SGMS1: variants seen among roughly 807,000 people sequenced by gnomAD.
The protein encoded by SGMS1 is sphingomyelin synthase 1.
SGMS1 carries 13 observed loss-of-function variants against 46.2 expected under a neutral mutation model. The observed-to-expected ratio is 0.28, with a 90% confidence interval of 0.18 to 0.45. The LOEUF (loss-of-function observed/expected upper bound fraction) is 0.45. Among genes scored for constraint, SGMS1 ranks in the 20% least tolerant of loss-of-function variants. The pLI, the probability that SGMS1 is intolerant of heterozygous loss-of-function variation, is 1.00. For missense variants in SGMS1, 324 were observed against 519.9 expected (o/e 0.62, Z 3.66); for synonymous variants, 203 against 187.8 (o/e 1.08, Z -0.66).
chr10:50,491,867 A>C (rs1837570574), intron 3 of SGMS1, among the ~76,000 whole-genome samples: 1 of 152,182 alleles, frequency 6.6e-6, no homozygotes, highest in African/African-American at 2.4e-5. Flanking sequence ...TAAAACAAAA[A>C]AGAAAACTTC....
intron 7 of SGMS1, among the ~76,000 whole-genome samples, chr10:50,330,293 AAAAAC>A (rs10678162): frequency 7.3e-5 from 11 of 150,070 alleles, no homozygotes; most frequent in African/African-American, 2.2e-4. Flanking sequence ...GTCTCTACTA[AAAAAC>A]AAAACAAAAC....
At chr10:50,482,207 G>A (rs1428420534) in intron 3 of SGMS1, among the ~76,000 whole-genome samples, 6 of 152,050 alleles carry the variant, frequency 3.9e-5, no homozygotes, top group Non-Finnish European at 1.5e-5. Flanking sequence ...TCAACCCCAA[G>A]ACACATAATC....
chr10:50,339,771 A>C (rs1419107848), intron 7 of SGMS1, among the ~76,000 whole-genome samples: 2 of 152,236 alleles, frequency 1.3e-5, no homozygotes, highest in African/African-American at 4.8e-5. Flanking sequence ...TGAGGAACTT[A>C]CAATTTAGCA....
intron 3 of SGMS1, among the ~76,000 whole-genome samples, chr10:50,467,640 CA>C (rs1837342628): frequency 6.6e-6 from 1 of 152,094 alleles, no homozygotes; most frequent in Non-Finnish European, 1.5e-5. Context: ...AAGTGAACAC[CA>C]CTCTCCCAAA....
At chr10:50,545,539 G>A (rs550416045) in intron 2 of SGMS1, among the ~76,000 whole-genome samples, 84 of 152,176 alleles carry the variant, frequency 5.5e-4, no homozygotes, top group East Asian at 1.7e-3. Flanking sequence ...GGGTTCAAGC[G>A]ATTCTCCTGC....
intron 2 of SGMS1, among the ~76,000 whole-genome samples, chr10:50,527,929 G>C (rs1394853362): frequency 6.6e-6 from 1 of 152,114 alleles, no homozygotes; most frequent in Non-Finnish European, 1.5e-5. Flanking sequence ...TAAATTACTT[G>C]ACCTCTCTCT....
At chr10:50,419,703 T>C (rs1164598730) in intron 6 of SGMS1, among the ~76,000 whole-genome samples, 1 of 152,090 alleles carries the variant, frequency 6.6e-6, no homozygotes, top group Non-Finnish European at 1.5e-5. Context: ...CATTAAGAAA[T>C]GAGTTGATTG....
chr10:50,440,040 A>G (rs939349670), intron 5 of SGMS1, among the ~76,000 whole-genome samples: 7 of 152,180 alleles, frequency 4.6e-5, no homozygotes, highest in Non-Finnish European at 7.3e-5. Context: ...CAAGCAAGCA[A>G]TGCAGCAACA....
At chr10:50,349,635 T>C (rs1480314112) in intron 6 of SGMS1, among the ~76,000 whole-genome samples, 1 of 152,240 alleles carries the variant, frequency 6.6e-6, no homozygotes, top group East Asian at 1.9e-4. Context: ...AGGAGATAAT[T>C]TGAATCATGG....
At chr10:50,566,920 GTTTT>G (rs992946895) in intron 2 of SGMS1, among the ~76,000 whole-genome samples, 37 of 152,174 alleles carry the variant, frequency 2.4e-4, no homozygotes, top group African/African-American at 8.7e-4. Flanking sequence ...ACTGGTTTTT[GTTTT>G]GTTTTGTTTT....
Position 50,312,035 on chromosome 10 carries a change from C to A in SGMS1, c.742-620G>T, listed in dbSNP as rs530708109. 1.7e-3 allele frequency among the ~76,000 whole-genome samples: 262 copies of A among 152,174 alleles called. 1 individual carries two copies. The highest frequency in any genetic ancestry group is 6.2e-3 in the African/African-American group (257 of 41,534). ...TATGATACAAGTCTGGGCTGGACAC[C>A]GGAGTAATAAATAGCTTGAACAACT... On this transcript the variant is annotated intron_variant, in intron 8 of 10. Transcript: ENST00000361781.
intron 6 of SGMS1, among the ~76,000 whole-genome samples, chr10:50,400,396 C>CATGCATATATAT (rs1848915442): frequency 1.0e-5 from 1 of 98,716 alleles, no homozygotes; most frequent in Non-Finnish European, 2.1e-5. Context: ...CACATCCTGG[C>CATGCATATATAT]ATATATATAT....
intron 6 of SGMS1, among the ~76,000 whole-genome samples, chr10:50,421,720 G>A (rs1849256482): frequency 6.6e-6 from 1 of 152,126 alleles, no homozygotes; most frequent in Non-Finnish European, 1.5e-5. Context: ...TGTGCTCCCT[G>A]GCCTATGTAG....
intron 6 of SGMS1, among the ~76,000 whole-genome samples, chr10:50,375,883 G>C (rs1011522508): frequency 3.3e-5 from 5 of 151,978 alleles, no homozygotes; most frequent in Non-Finnish European, 5.9e-5. Flanking sequence ...TTTTTTAAGA[G>C]ATGGGGTCTC....
At chr10:50,468,839 A>G (rs985596859) in intron 3 of SGMS1, among the ~76,000 whole-genome samples, 2 of 152,258 alleles carry the variant, frequency 1.3e-5, no homozygotes, top group Non-Finnish European at 2.9e-5. Context: ...GTAATATATC[A>G]AAGACATGTA....
At position 50,497,049 on chromosome 10, in the gene SGMS1, T is replaced by A. The variant is rs577742315; in HGVS notation, c.-498+22782A>T. ...GATATGGTAAAGTCATCCTCCACCCTTCTTCCAACACTGAAATGTAGAGAC... is the reference window on the plus strand; with the variant it reads ...GATATGGTAAAGTCATCCTCCACCCATCTTCCAACACTGAAATGTAGAGAC... On this transcript the variant is annotated intron_variant, in intron 3 of 10. Coordinates refer to ENST00000361781, the MANE Select transcript of SGMS1 (RefSeq NM_147156.4). Among the ~76,000 whole-genome samples the A allele has an allele frequency of 3.3e-5, 5 of 152,320 alleles. No individual in the cohort carries two copies. In the South Asian group the frequency reaches 8.3e-4, roughly 25 times the overall value.
chr10:50,400,656 T>C (rs544530576), intron 6 of SGMS1, among the ~76,000 whole-genome samples: 48 of 152,026 alleles, frequency 3.2e-4, no homozygotes, highest in African/African-American at 1.1e-3. Context: ...TCTTGCTATG[T>C]TGCCCAGGTT....
chr10:50,544,698 T>C (rs1349923565), intron 2 of SGMS1, among the ~76,000 whole-genome samples: 3 of 152,128 alleles, frequency 2.0e-5, no homozygotes, highest in African/African-American at 7.2e-5. Flanking sequence ...ATTTTGAAGA[T>C]ATGAGATAAA....
Position 50,594,155 on chromosome 10 carries a change from T to G in SGMS1, c.-683-3908A>C, listed in dbSNP as rs144786953. Among the ~76,000 whole-genome samples, 991 of 152,332 alleles carry G rather than the reference T, an allele frequency of 6.5e-3. 9 individuals are homozygous for G. Among genetic ancestry groups the G allele is most frequent in the Middle Eastern group, 0.02 (6 of 294 alleles). ...CCAACAAAAGGGAAAGCTTTTCCTA[T>G]TTGCAGCATCACTACTACAAATAAA... On this transcript the variant is annotated intron_variant, in intron 1 of 10. Coordinates refer to ENST00000361781, the MANE Select transcript of SGMS1 (RefSeq NM_147156.4).
Sources: gnomAD v4.1 joint callset for allele counts (sites outside exome capture counted in the v4.1 genomes callset) on GRCh38, gnomAD v4.1.1 for gene constraint, MANE v1.5 for transcripts, NCBI Gene and HGNC (gene_info 2026-07-23, HGNC 2026-07-21) for gene names.